Variants in NKAIN1 observed in about 807,000 individuals in gnomAD.
NKAIN1 encodes the protein sodium/potassium transporting ATPase interacting 1, also known as sodium/potassium-transporting ATPase subunit beta-1-interacting protein 1.
NKAIN1 carries 13 observed loss-of-function variants against 31.6 expected under a neutral mutation model. That is an observed-to-expected ratio of 0.41 (90% CI 0.27 to 0.65). NKAIN1 has a LOEUF of 0.65. Among genes scored for constraint, NKAIN1 ranks in the 30% least tolerant of loss-of-function variants. The probability of loss-of-function intolerance (pLI) is 0.30; values close to 1 mark genes in which losing one functional copy is unlikely to be tolerated. For missense variants in NKAIN1, 193 were observed against 262.2 expected (o/e 0.74, Z 1.82); for synonymous variants, 104 against 109.0 (o/e 0.95, Z 0.28).
rs1289327557 is a variant in NKAIN1, at chr1:31,239,876, C to T, written c.-329G>A. ...AGCGAGCCCCGAGCGCGGCGCAGCG[C>T]AGAGCAGCACTGCCCAGCTGGGGCA... On this transcript the variant is annotated 5_prime_UTR_variant, in exon 1 of 7. Coordinates refer to ENST00000373736, the MANE Select transcript of NKAIN1 (RefSeq NM_024522.3). The surrounding 1 kb of genome is among the most constrained non-coding windows in gnomAD (Gnocchi z 4.8). 2.0e-5 allele frequency among the ~76,000 whole-genome samples: 3 copies of T among 152,176 alleles called. No individual in the cohort carries two copies. The highest frequency in any genetic ancestry group is 3.9e-4 in the East Asian group (2 of 5,158).
intron 1 of NKAIN1, among the ~76,000 whole-genome samples, chr1:31,227,763 A>T (rs1362321003): frequency 6.6e-6 from 1 of 152,178 alleles, no homozygotes; most frequent in Non-Finnish European, 1.5e-5. Flanking sequence ...GTATGAATGG[A>T]TAACCACAAG....
chr1:31,195,414 G>A (rs573285687), intron 1 of NKAIN1, among the ~76,000 whole-genome samples: 45 of 152,030 alleles, frequency 3.0e-4, no homozygotes, highest in Non-Finnish European at 5.6e-4. Flanking sequence ...AAGCCACCGC[G>A]CCTGGCCTTT....
intron 1 of NKAIN1, among the ~76,000 whole-genome samples, chr1:31,211,614 T>C (rs1417872431): frequency 6.6e-6 from 1 of 151,878 alleles, no homozygotes; most frequent in Non-Finnish European, 1.5e-5. Context: ...TTTTTTTTTT[T>C]TCAGGAATGT....
At position 31,216,690 on chromosome 1, in the gene NKAIN1, TTTTA is replaced by T. The variant is rs35212874; in HGVS notation, c.54+22800_54+22803del. The stretch of plus-strand genomic sequence containing the variant: ...TCCTAGGAACGCCTGTGGCATTGAC[TTTTA>T]TTTATTTATTTATTTATTTATTTAT... On this transcript the variant is annotated intron_variant, in intron 1 of 6. Transcript: ENST00000373736. 7.3e-3 allele frequency among the ~76,000 whole-genome samples: 1,020 copies of T among 140,550 alleles called. 14 individuals carry two copies. The highest frequency in any genetic ancestry group is 0.025 in the African/African-American group (899 of 36,502). 92.2% of individuals were successfully genotyped at this position (140,550 alleles called of 152,430 possible).
chr1:31,216,692 T>TTATCTATTTATCTATTTATC lies in NKAIN1; in HGVS notation c.54+22801_54+22802insGATAAATAGATAAATAGATA, dbSNP rs552756649. Reference sequence around the variant, plus strand: ...CTAGGAACGCCTGTGGCATTGACTTTTATTTATTTATTTATTTATTTATTT... The same window carrying TTATCTATTTATCTATTTATC: ...CTAGGAACGCCTGTGGCATTGACTTTTATCTATTTATCTATTTATCTATTTATTTATTTATTTATTTATTT... On this transcript the variant is annotated intron_variant, in intron 1 of 6. Transcript: ENST00000373736. Among the ~76,000 whole-genome samples the TTATCTATTTATCTATTTATC allele has an allele frequency of 5.5e-4, 80 of 144,654 alleles. No individual in the cohort carries two copies. The East Asian group carries it at 0.012, about 22-fold the overall frequency. 94.9% of individuals were successfully genotyped at this position (144,654 alleles called of 152,430 possible). A position where few individuals can be genotyped will look rare whatever the true frequency, so the allele number is the denominator to read the frequency against.
In NKAIN1 at chr1:31,210,538, C is replaced by T. The variant is rs145278139; in HGVS notation, c.55-22351G>A. The stretch of plus-strand genomic sequence containing the variant: ...AACTGACCTCAGGTGATCCACCCGC[C>T]TTGGCCTCCCAAAGTGCTGGGATTA... On this transcript the variant is annotated intron_variant, in intron 1 of 6. Transcript: ENST00000373736. 1.2e-3 allele frequency among the ~76,000 whole-genome samples: 182 copies of T among 152,314 alleles called. 1 individual carries two copies. The highest frequency in any genetic ancestry group is 4.3e-3 in the African/African-American group (177 of 41,570).
At chr1:31,208,870 T>C (rs1324367314) in intron 1 of NKAIN1, among the ~76,000 whole-genome samples, 1 of 152,188 alleles carries the variant, frequency 6.6e-6, no homozygotes, top group Non-Finnish European at 1.5e-5. Flanking sequence ...ACTGAGGCCT[T>C]GGGCAAATCA....
intron 1 of NKAIN1, among the ~76,000 whole-genome samples, chr1:31,193,108 T>C (rs900599863): frequency 4.6e-5 from 7 of 150,648 alleles, no homozygotes. Flanking sequence ...TCACTCTGTC[T>C]CCCAGGCTGG....
At chr1:31,199,297 C>T (rs1382603625) in intron 1 of NKAIN1, among the ~76,000 whole-genome samples, 1 of 152,204 alleles carries the variant, frequency 6.6e-6, no homozygotes, top group East Asian at 1.9e-4. Context: ...CCTCAGTTTT[C>T]TCATTAGTGA....
intron 1 of NKAIN1, among the ~76,000 whole-genome samples, chr1:31,189,915 G>T (rs1645272793): frequency 1.3e-5 from 2 of 152,194 alleles, no homozygotes; most frequent in South Asian, 4.1e-4. Flanking sequence ...CGCCTGAGGA[G>T]AAAGCCATAG....
intron 1 of NKAIN1, among the ~76,000 whole-genome samples, chr1:31,206,955 G>A (rs758506627): frequency 3.3e-5 from 5 of 152,060 alleles, no homozygotes; most frequent in African/African-American, 7.2e-5. Context: ...GGCTGGTCTT[G>A]AATTCCCAAC....
intron 1 of NKAIN1, among the ~76,000 whole-genome samples, chr1:31,199,511 C>T (rs1397399399): frequency 2.6e-5 from 4 of 152,080 alleles, no homozygotes; most frequent in Non-Finnish European, 4.4e-5. Flanking sequence ...GGATGAAAGC[C>T]GCAGACAACA....
rs964534386 is a variant in NKAIN1 at position 31,216,958 on chromosome 1, C to T, written c.54+22536G>A. 2.3e-4 allele frequency among the ~76,000 whole-genome samples: 35 copies of T among 151,862 alleles called. 1 individual carries two copies. The highest frequency in any genetic ancestry group is 1.1e-3 in the Admixed American group (16 of 15,234). ...TTGGCTCACTGCAAACTCCGCCTCC[C>T]GCATTCAAGCGATTCTCCCGCCTCA... On this transcript the variant is annotated intron_variant, in intron 1 of 6. Transcript: ENST00000373736.
intron 2 of NKAIN1, among the ~76,000 whole-genome samples, chr1:31,185,696 CA>C (rs1645236541): frequency 6.6e-6 from 1 of 152,168 alleles, no homozygotes; most frequent in Admixed American, 6.5e-5. Flanking sequence ...TGGAATCATT[CA>C]AGGATGTTTG....
At chr1:31,223,390 A>G (rs535945900) in intron 1 of NKAIN1, among the ~76,000 whole-genome samples, 27 of 151,624 alleles carry the variant, frequency 1.8e-4, no homozygotes, top group East Asian at 9.7e-4. Flanking sequence ...AAAAAAAAAA[A>G]AAAGAAAGAA....
intron 4 of NKAIN1, 56 bp downstream of exon 4, chr1:31,183,761 A>G: frequency 6.5e-7 from 1 of 1,543,152 alleles, no homozygotes; most frequent in Non-Finnish European, 8.8e-7. Context: ...CCCCTCAACC[A>G]GAGCTAAAGA....
At chr1:31,194,348 T>C (rs202026560) in intron 1 of NKAIN1, among the ~76,000 whole-genome samples, 19 of 65,252 alleles carry the variant, frequency 2.9e-4, no homozygotes, top group Non-Finnish European at 6.8e-4. Context: ...CAGCTCTTTC[T>C]TTTTCCTTTT....
intron 1 of NKAIN1, among the ~76,000 whole-genome samples, chr1:31,214,949 G>A (rs1282114166): frequency 6.6e-6 from 1 of 152,218 alleles, no homozygotes; most frequent in Admixed American, 6.5e-5. Context: ...GCGCCCCCTA[G>A]GGCCAAACAT....
chr1:31,182,504 C>T (rs1645210740), intron 5 of NKAIN1, 26 bp downstream of exon 5: 1 of 1,613,596 alleles, frequency 6.2e-7, no homozygotes, highest in South Asian at 1.1e-5. Context: ...CCAGATTCCC[C>T]ACTTCCCCAG....
Sources: gnomAD v4.1 joint callset for allele counts (sites outside exome capture counted in the v4.1 genomes callset) on GRCh38, gnomAD v4.1.1 for gene constraint, Gnocchi (gnomAD v3.1) non-coding constraint, MANE v1.5 for transcripts, NCBI Gene and HGNC (gene_info 2026-07-23, HGNC 2026-07-21) for gene names.